The following LDHB variants were observed in gnomAD, a reference collection of about 807,000 sequenced individuals.
The protein encoded by LDHB is lactate dehydrogenase B, also known as L-lactate dehydrogenase B chain.
Under a neutral mutation model 33.4 loss-of-function variants are expected in LDHB, and 18 were observed. The ratio of observed to expected loss-of-function variants is 0.54; its 90% CI spans 0.37 to 0.80. The LOEUF is 0.80. Among genes scored for constraint, LDHB ranks in the 30% least tolerant of loss-of-function variants. LDHB has a pLI of 0.00. For synonymous variants in LDHB, 121 were observed against 140.6 expected, an observed-to-expected ratio of 0.86 and a Z score of 0.98; for missense variants, 345 against 407.9, an observed-to-expected ratio of 0.85 and a Z score of 1.33.
chr12:21,642,206 C>G lies in LDHB; in HGVS notation c.422-81G>C, dbSNP rs1290193989. 6.7e-6 allele frequency: 6 copies of G among 901,370 alleles called. No individual in the cohort carries two copies. In the Admixed American group the frequency reaches 9.2e-5, roughly 14 times the overall value. The allele number at this position is 901,370 out of a possible 1,614,324, so 55.8% of individuals were successfully genotyped here. A position where few individuals can be genotyped will look rare whatever the true frequency, so the allele number is the denominator to read the frequency against. On this transcript the variant is annotated intron_variant, in intron 4 of 7. Coordinates refer to ENST00000350669, the MANE Select transcript of LDHB (RefSeq NM_002300.8). ...GGCAGCTTGGGGTGCCCTGGCTTCC[C>G]TTTTCCCACTTCCCCACTCCCCAAA...
Position 21,638,227 on chromosome 12 carries a change from A to C in LDHB, c.713+126T>G, listed in dbSNP as rs1938270271. The C allele has an allele frequency of 1.3e-5, 9 of 680,388 alleles. No individual in the cohort carries two copies. In the Admixed American group the frequency reaches 1.3e-4, roughly 10 times the overall value. The allele number at this position is 680,388 out of a possible 1,614,324, so 42.1% of individuals were successfully genotyped here. A position where few individuals can be genotyped will look rare whatever the true frequency, so the allele number is the denominator to read the frequency against. On this transcript the variant is annotated intron_variant, in intron 6 of 7. Coordinates refer to ENST00000350669, the MANE Select transcript of LDHB (RefSeq NM_002300.8). ...CAGTGTAAAAGTCTTATCAGTTTCAAAAGATAACAGCTGCATAATTACTAC... is the reference window on the plus strand; with the variant it reads ...CAGTGTAAAAGTCTTATCAGTTTCACAAGATAACAGCTGCATAATTACTAC...
At chr12:21,641,812 T>G in intron 5 of LDHB, 140 bp downstream of exon 5, 1 of 680,462 alleles carries the variant, frequency 1.5e-6, no homozygotes, top group Non-Finnish European at 2.5e-6. Flanking sequence ...CAAAATGGAA[T>G]AGAATAGAAA....
Position 21,644,045 on chromosome 12 carries a change from C to A in LDHB, c.311G>T (p.Gly104Val). The change falls in exon 4 of 8, where the codon GGG becomes GTG. Residue 104 changes from glycine to valine, a missense_variant. Physicochemically the swap from Gly to Val is moderately radical, Grantham distance 109. Transcript: ENST00000350669. ...CTGCACCAGATTGAGCCGACTCTCC[C>A]CTTCTTGCTGACGGACTCCTGCAGT... is the stretch of plus-strand genomic sequence containing the variant. ...VVTAGVRQQEGESRLNLVQRN... is the reference protein window; with the variant it reads ...VVTAGVRQQEVESRLNLVQRN... 6.2e-7 allele frequency: 1 copy of A among 1,613,022 alleles called. No homozygotes were observed. Among genetic ancestry groups the A allele is most frequent in the Non-Finnish European group, 8.5e-7 (1 of 1,179,046 alleles).
intron 3 of LDHB, among the ~76,000 whole-genome samples, chr12:21,645,374 C>T (rs948022983): frequency 6.6e-5 from 10 of 152,176 alleles, no homozygotes; most frequent in South Asian, 2.1e-4. Flanking sequence ...TCCCCCAGCC[C>T]GACACTGGTA....
intron 2 of LDHB, among the ~76,000 whole-genome samples, chr12:21,653,052 C>T (rs924585477): frequency 6.6e-6 from 1 of 152,096 alleles, no homozygotes; most frequent in Admixed American, 6.6e-5. Context: ...ACATTTAAGG[C>T]AGCCATCAGA....
At chr12:21,635,744 G>GA in intron 7 of LDHB, 35 bp from the exon 8 acceptor site, 1 of 1,595,416 alleles carries the variant, frequency 6.3e-7, no homozygotes, top group Non-Finnish European at 8.6e-7. Flanking sequence ...ATTAAGACAT[G>GA]AAACTGTAAG....
At chr12:21,652,625 A>C (rs1024869664) in intron 2 of LDHB, among the ~76,000 whole-genome samples, 1 of 151,952 alleles carries the variant, frequency 6.6e-6, no homozygotes, top group African/African-American at 2.4e-5. Context: ...AGGAAATGCA[A>C]AAGGATAGGG....
chr12:21,637,605 C>A (rs1420739695), intron 6 of LDHB, among the ~76,000 whole-genome samples: 1 of 151,574 alleles, frequency 6.6e-6, no homozygotes, highest in Non-Finnish European at 1.5e-5. Flanking sequence ...AATCAACTAA[C>A]TAATAAAAGG....
intron 3 of LDHB, 59 bp from the exon 4 acceptor site, chr12:21,644,167 C>T: frequency 7.3e-6 from 9 of 1,228,074 alleles, no homozygotes; most frequent in African/African-American, 1.5e-5. Context: ...ATAACATAAC[C>T]TATATGACAT....
intron 4 of LDHB, among the ~76,000 whole-genome samples, chr12:21,642,501 T>A (rs1252561841): frequency 1.3e-5 from 2 of 152,172 alleles, no homozygotes; most frequent in Non-Finnish European, 2.9e-5. Context: ...TCCATAATTA[T>A]AATGATTGTC....
Position 21,645,716 on chromosome 12 carries a change from C to A in LDHB, c.247+1183G>T, listed in dbSNP as rs1298929142. On this transcript the variant is annotated intron_variant, in intron 3 of 7. Coordinates refer to ENST00000350669, the MANE Select transcript of LDHB (RefSeq NM_002300.8). Reference sequence around the variant, plus strand: ...TCTCCACTATTACCCTATTGTCCAGCCACATCCCCCTCTCCGAGATACGCC... The same window carrying A: ...TCTCCACTATTACCCTATTGTCCAGACACATCCCCCTCTCCGAGATACGCC... Among the ~76,000 whole-genome samples the A allele has an allele frequency of 3.3e-5, 5 of 152,128 alleles. No homozygotes were observed. The East Asian group carries it at 5.8e-4, about 18-fold the overall frequency.
intron 2 of LDHB, among the ~76,000 whole-genome samples, chr12:21,649,439 T>C (rs537942309): frequency 1.4e-4 from 21 of 152,342 alleles, no homozygotes; most frequent in African/African-American, 4.6e-4. Flanking sequence ...TAAATCTCCC[T>C]CTGTATTCAC....
chr12:21,657,681 A>C (rs921808507), intron 1 of LDHB, 70 bp downstream of exon 1: 1 of 152,390 alleles, frequency 6.6e-6, no homozygotes, highest in African/African-American at 2.4e-5. Flanking sequence ...CTCCCCATAC[A>C]AGTACTACCC....
At chr12:21,642,800 G>T (rs190222853) in intron 4 of LDHB, among the ~76,000 whole-genome samples, 79 of 152,246 alleles carry the variant, frequency 5.2e-4, no homozygotes, top group African/African-American at 1.8e-3. Context: ...AGTTAATCCT[G>T]CAGCCTCCAC....
intron 2 of LDHB, among the ~76,000 whole-genome samples, chr12:21,650,141 CACACACACACGTCT>C (rs1169654205): frequency 1.1e-4 from 15 of 142,300 alleles, no homozygotes; most frequent in African/African-American, 4.2e-4. Context: ...CACACACACA[CACACACACACGTCT>C]CTCTCTCCAA....
At chr12:21,644,673 T>G (rs1057474257) in intron 3 of LDHB, among the ~76,000 whole-genome samples, 4 of 152,164 alleles carry the variant, frequency 2.6e-5, no homozygotes, top group African/African-American at 9.7e-5. Flanking sequence ...ATATTGCGAT[T>G]TGATGTGATC....
Position 21,643,984 on chromosome 12 carries a change from C to T in LDHB, c.372G>A (p.Gln124=). 6.2e-7 allele frequency: 1 copy of T among 1,613,250 alleles called. No homozygotes were observed. Among genetic ancestry groups the T allele is most frequent in the Non-Finnish European group, 8.5e-7 (1 of 1,179,246 alleles). Residue 124 remains glutamine (Q), a synonymous_variant, in exon 4 of 8, where the codon CAG becomes CAA. Transcript: ENST00000350669. The stretch of plus-strand genomic sequence containing the variant: ...TGCAATCAGGACTGTACTTGACGAT[C>T]TGAGGAATAATGAATTTGAAGACAT... ...NVNVFKFIIP[Q]IVKYSPDCII...
rs1267641909 is a variant in LDHB, at chr12:21,657,801, A to G, written c.-57T>C. On this transcript the variant is annotated 5_prime_UTR_variant, in exon 1 of 8. Transcript: ENST00000350669. ...TCTGTAACAGTCGTGCGGAGAAGACAAAGTCAGCTGCGTGCGTCTCCTCCG... is the reference window on the plus strand; with the variant it reads ...TCTGTAACAGTCGTGCGGAGAAGACGAAGTCAGCTGCGTGCGTCTCCTCCG... 1 of 152,436 alleles carries G rather than the reference A, an allele frequency of 6.6e-6. No individual in the cohort carries two copies. Among genetic ancestry groups the G allele is most frequent in the Non-Finnish European group, 1.5e-5 (1 of 68,214 alleles). The allele number at this position is 152,436 out of a possible 1,614,324, so 9.4% of individuals were successfully genotyped here.
At chr12:21,656,873 C>T (rs1677074) in intron 1 of LDHB, 143,283 of 152,134 alleles carry the variant, frequency 0.94, 68,042 homozygotes, top group East Asian at 1. Context: ...AATAAAGGAG[C>T]GCCTTAATTT....
Sources: allele counts gnomAD v4.1 joint callset (sites outside exome capture counted in the v4.1 genomes callset), GRCh38; gene constraint gnomAD v4.1.1; transcripts MANE v1.5; gene names NCBI Gene and HGNC (gene_info 2026-07-23, HGNC 2026-07-21).